Variants in HNRNPD observed in about 807,000 individuals in gnomAD.
The protein encoded by HNRNPD is heterogeneous nuclear ribonucleoprotein D0.
HNRNPD carries 3 observed loss-of-function variants against 47.9 expected under a neutral mutation model. That is an observed-to-expected ratio of 0.06 (90% CI 0.03 to 0.16). HNRNPD has a LOEUF of 0.16. HNRNPD is among the 10% of genes least tolerant of loss of function. The pLI, the probability that HNRNPD is intolerant of heterozygous loss-of-function variation, is 1.00. For missense variants in HNRNPD, 287 were observed against 454.2 expected (o/e 0.63, Z 3.35); for synonymous variants, 171 against 165.1 (o/e 1.04, Z -0.28).
chr4:82,367,899 A>T (rs1427418579), intron 2 of HNRNPD, among the ~76,000 whole-genome samples: 2 of 152,218 alleles, frequency 1.3e-5, no homozygotes, highest in African/African-American at 4.8e-5. Flanking sequence ...TCCTGTGGTG[A>T]GCATTGTTTC....
chr4:82,366,897 TC>T (rs934960800), intron 2 of HNRNPD, among the ~76,000 whole-genome samples: 1 of 152,052 alleles, frequency 6.6e-6, no homozygotes, highest in African/African-American at 2.4e-5. Context: ...GGTCTCACTA[TC>T]AAAATGCAGT....
intron 2 of HNRNPD, among the ~76,000 whole-genome samples, chr4:82,368,838 A>C (rs888253397): frequency 7.2e-5 from 11 of 152,238 alleles, no homozygotes; most frequent in Non-Finnish European, 1.3e-4. Flanking sequence ...TTTAAAGCAA[A>C]AACATGAGCC....
At chr4:82,369,719 A>G (rs868158108) in intron 2 of HNRNPD, among the ~76,000 whole-genome samples, 7 of 152,046 alleles carry the variant, frequency 4.6e-5, no homozygotes. Context: ...AAAAAGTCTG[A>G]AAGTTTTTCA....
At position 82,356,461 on chromosome 4, in the gene HNRNPD, ACTAAC is replaced by A. The variant is rs906028398; in HGVS notation, c.1000+71_1000+75del. The A allele has an allele frequency of 5.6e-6, 7 of 1,239,100 alleles. No individual in the cohort carries two copies. The African/African-American group carries it at 7.5e-5, about 13-fold the overall frequency. 76.8% of individuals were successfully genotyped at this position (1,239,100 alleles called of 1,614,324 possible). On this transcript the variant is annotated intron_variant, in intron 7 of 8. Coordinates refer to ENST00000313899, the MANE Select transcript of HNRNPD (RefSeq NM_031370.3). ...AGACATTTGCACTTGGCAAGGCTAC[ACTAAC>A]CTTTCTGCCTATCCAAATTTGTACA...
At position 82,358,826 on chromosome 4, in the gene HNRNPD, G is replaced by A. The variant is rs1372829694; in HGVS notation, c.460-6C>T. On this transcript the variant is annotated splice_polypyrimidine_tract_variant and splice_region_variant and intron_variant, in intron 3 of 8. Coordinates refer to ENST00000313899, the MANE Select transcript of HNRNPD (RefSeq NM_031370.3). ...TGTTCTTTTTGATCCATGACCTAAG[G>A]AAATTGAAGTTTTCATTTAAAAAAT... 1.9e-6 allele frequency: 3 copies of A among 1,574,530 alleles called. No individual in the cohort carries two copies. The highest frequency in any genetic ancestry group is 2.6e-6 in the Non-Finnish European group (3 of 1,164,572).
intron 2 of HNRNPD, among the ~76,000 whole-genome samples, chr4:82,366,702 A>C (rs1398337978): frequency 2.6e-5 from 4 of 151,976 alleles, no homozygotes; most frequent in Non-Finnish European, 5.9e-5. Context: ...GAGTGACTAC[A>C]GGCGCATGTA....
At position 82,373,522 on chromosome 4, in the gene HNRNPD, A is replaced by C; in HGVS notation, c.157T>G (p.Ser53Ala). The C allele has an allele frequency of 6.5e-7, 1 of 1,542,344 alleles. No individual in the cohort carries two copies. The highest frequency in any genetic ancestry group is 1.2e-5 in the South Asian group (1 of 83,340). ...SGAGTGGGTA[S>A]GGTEGGSAES... The stretch of plus-strand genomic sequence containing the variant: ...GCGCTGCCCCCTTCGGTGCCTCCAG[A>C]CGCGGTTCCGCCCCCGGTCCCGGCT... Residue 53 changes from serine to alanine, a missense_variant, in exon 1 of 9, where the codon TCT becomes GCT. Ser to Ala is a moderately conservative substitution (Grantham distance 99). Transcript: ENST00000313899.
At chr4:82,370,880 C>A (rs1720007572) in intron 2 of HNRNPD, among the ~76,000 whole-genome samples, 1 of 151,870 alleles carries the variant, frequency 6.6e-6, no homozygotes, top group Admixed American at 6.6e-5. Context: ...ACATGTCAAC[C>A]AACTGTTATT....
At chr4:82,363,545 G>C (rs1345668868) in intron 2 of HNRNPD, among the ~76,000 whole-genome samples, 1 of 152,174 alleles carries the variant, frequency 6.6e-6, no homozygotes. Context: ...AAGGAGCCAT[G>C]TTAAAAACGA....
chr4:82,370,671 G>C (rs1305719940), intron 2 of HNRNPD, among the ~76,000 whole-genome samples: 1 of 152,114 alleles, frequency 6.6e-6, no homozygotes, highest in Non-Finnish European at 1.5e-5. Flanking sequence ...TCTTAAAATA[G>C]AATGTAGCTT....
At chr4:82,358,381 C>A in intron 4 of HNRNPD, 1 of 302,536 alleles carries the variant, frequency 3.3e-6, no homozygotes, top group Non-Finnish European at 6.1e-6. Flanking sequence ...ATCTAGATTT[C>A]TTCCTCTTAA....
chr4:82,373,939 T>TCGC lies in HNRNPD; in HGVS notation c.-264_-262dup. On this transcript the variant is annotated 5_prime_UTR_variant, in exon 1 of 9. Transcript: ENST00000313899. Reference sequence around the variant, plus strand: ...GAATAAGCACCAGCGGCGGCCGCTCTCGCCTCCTCCTCGCTTTAATGGCGC... The same window carrying TCGC: ...GAATAAGCACCAGCGGCGGCCGCTCTCGCCGCCTCCTCCTCGCTTTAATGGCGC... The TCGC allele has an allele frequency of 2.5e-6, 2 of 788,516 alleles. No homozygotes were observed. The highest frequency in any genetic ancestry group is 3.7e-6 in the Non-Finnish European group (2 of 539,184). 48.8% of individuals were successfully genotyped at this position (788,516 alleles called of 1,614,324 possible). A position where few individuals can be genotyped will look rare whatever the true frequency, so the allele number is the denominator to read the frequency against.
At chr4:82,370,833 CTA>C (rs1720005524) in intron 2 of HNRNPD, among the ~76,000 whole-genome samples, 5 of 152,124 alleles carry the variant, frequency 3.3e-5, no homozygotes. Context: ...AATACTCAAC[CTA>C]CCAGCCTCCA....
rs987726600 is a variant in HNRNPD at position 82,353,820 on chromosome 4, G to C, written c.*365C>G. The C allele has an allele frequency of 6.6e-6, 1 of 152,582 alleles. No homozygotes were observed. Among genetic ancestry groups the C allele is most frequent in the African/African-American group, 2.4e-5 (1 of 41,414 alleles). The allele number at this position is 152,582 out of a possible 1,614,324, so 9.5% of individuals were successfully genotyped here. A position where few individuals can be genotyped will look rare whatever the true frequency, so the allele number is the denominator to read the frequency against. On this transcript the variant is annotated 3_prime_UTR_variant, in exon 9 of 9. Coordinates refer to ENST00000313899, the MANE Select transcript of HNRNPD (RefSeq NM_031370.3). ...TTTTTCCTATTCTGATGATAAAAGA[G>C]CCAATACATTTTTATACAAAAGGAT...
intron 1 of HNRNPD, 156 bp downstream of exon 1, chr4:82,373,290 G>A (rs569501817): frequency 5.0e-6 from 5 of 1,010,084 alleles, no homozygotes; most frequent in East Asian, 2.6e-5. Context: ...ATGAAGGTCC[G>A]GGGAACCCAA....
chr4:82,360,225 T>C (rs1021520729), intron 2 of HNRNPD, among the ~76,000 whole-genome samples: 10 of 152,044 alleles, frequency 6.6e-5, no homozygotes, highest in South Asian at 4.1e-4. Flanking sequence ...AAATTATCCA[T>C]TGAAGTACAA....
At chr4:82,369,936 A>G (rs1719956288) in intron 2 of HNRNPD, among the ~76,000 whole-genome samples, 1 of 152,196 alleles carries the variant, frequency 6.6e-6, no homozygotes, top group South Asian at 2.1e-4. Flanking sequence ...TGAGGTCGGG[A>G]GTTCGAGACC....
intron 2 of HNRNPD, among the ~76,000 whole-genome samples, chr4:82,365,771 ATTTT>A (rs80051188): frequency 2.8e-5 from 3 of 106,252 alleles, no homozygotes; most frequent in African/African-American, 1.3e-4. Flanking sequence ...GGCCCAGCTA[ATTTT>A]TTTTTTTTTT....
chr4:82,368,741 G>A (rs1219983968), intron 2 of HNRNPD, among the ~76,000 whole-genome samples: 1 of 152,164 alleles, frequency 6.6e-6, no homozygotes, highest in Non-Finnish European at 1.5e-5. Flanking sequence ...TTTGGCATGA[G>A]ACTACTCTAA....
Sources: gnomAD v4.1 joint callset for allele counts (sites outside exome capture counted in the v4.1 genomes callset) on GRCh38, gnomAD v4.1.1 for gene constraint, MANE v1.5 for transcripts, NCBI Gene and HGNC (gene_info 2026-07-23, HGNC 2026-07-21) for gene names.